The following RGS7 variants were observed in gnomAD, a reference collection of about 807,000 sequenced individuals.
RGS7 encodes regulator of G-protein signaling 7.
A neutral mutation model predicts 81.1 loss-of-function variants in RGS7; 27 were observed. That is an observed-to-expected ratio of 0.33 (90% confidence interval 0.25 to 0.46). The LOEUF is 0.46. Among genes scored for constraint, RGS7 ranks in the 20% least tolerant of loss-of-function variants. The probability of loss-of-function intolerance (pLI) is 1.00; values close to 1 mark genes in which losing one functional copy is unlikely to be tolerated. For synonymous variants in RGS7, 208 were observed against 207.7 expected, an observed-to-expected ratio of 1.00 and a Z score of -0.01; for missense variants, 396 against 607.4, an observed-to-expected ratio of 0.65 and a Z score of 3.66.
intron 2 of RGS7, among the ~76,000 whole-genome samples, chr1:241,104,437 G>A (rs1013760781): frequency 2.0e-4 from 30 of 152,126 alleles, no homozygotes; most frequent in African/African-American, 7.0e-4. Context: ...AATGTCAGGG[G>A]AAATATTTGT....
At chr1:240,940,135 T>C (rs1677339856) in intron 4 of RGS7, among the ~76,000 whole-genome samples, 1 of 152,134 alleles carries the variant, frequency 6.6e-6, no homozygotes, top group South Asian at 2.1e-4. Flanking sequence ...ACCCCTACTT[T>C]CCACTAGTTT....
chr1:240,908,856 C>T (rs1347259711), intron 6 of RGS7, among the ~76,000 whole-genome samples: 1 of 152,184 alleles, frequency 6.6e-6, no homozygotes, highest in African/African-American at 2.4e-5. Flanking sequence ...GACCTGAATT[C>T]CATTGCTCTG....
intron 3 of RGS7, among the ~76,000 whole-genome samples, chr1:240,991,036 G>A (rs530954171): frequency 1.1e-4 from 16 of 152,290 alleles, no homozygotes; most frequent in African/African-American, 3.8e-4. Context: ...AAATCAACAG[G>A]ATAGAAGCCC....
chr1:241,003,662 G>A (rs1333085023), intron 3 of RGS7, among the ~76,000 whole-genome samples: 1 of 152,092 alleles, frequency 6.6e-6, no homozygotes, highest in Non-Finnish European at 1.5e-5. Flanking sequence ...AAAAGCATCA[G>A]GACCCATTTC....
chr1:240,997,901 T>C (rs1334730525), intron 3 of RGS7, among the ~76,000 whole-genome samples: 1 of 152,208 alleles, frequency 6.6e-6, no homozygotes, highest in Non-Finnish European at 1.5e-5. Flanking sequence ...CCACGTTTTG[T>C]TCTTATCTGA....
intron 2 of RGS7, among the ~76,000 whole-genome samples, chr1:241,312,783 G>A (rs1237449819): frequency 6.6e-6 from 1 of 152,074 alleles, no homozygotes; most frequent in African/African-American, 2.4e-5. Flanking sequence ...TTTCTCACTT[G>A]GAATCAAAAG....
chr1:241,144,437 T>C lies in RGS7; in HGVS notation c.79-45675A>G, dbSNP rs1396823518. ...GCCAAAAACCTGATCCATTATTACTTACTGCGGTTCACGGAAGCAGCTTTG... is the reference window on the plus strand; with the variant it reads ...GCCAAAAACCTGATCCATTATTACTCACTGCGGTTCACGGAAGCAGCTTTG... On this transcript the variant is annotated intron_variant, in intron 2 of 18. Coordinates refer to ENST00000440928, the MANE Select transcript of RGS7 (RefSeq NM_001364886.1). This position sits in a 1 kb window ranked among gnomAD's most constrained non-coding sequence, Gnocchi z 4.7. 6.6e-6 allele frequency among the ~76,000 whole-genome samples: 1 copy of C among 152,176 alleles called. No individual in the cohort carries two copies. Among genetic ancestry groups the C allele is most frequent in the Non-Finnish European group, 1.5e-5 (1 of 68,042 alleles).
At chr1:241,063,888 A>C (rs2061885119) in intron 3 of RGS7, among the ~76,000 whole-genome samples, 1 of 152,220 alleles carries the variant, frequency 6.6e-6, no homozygotes, top group Admixed American at 6.5e-5. Context: ...TGCCACATGA[A>C]GGAAATCAAA....
At chr1:240,809,394 T>G (rs1689450214) in intron 14 of RGS7, among the ~76,000 whole-genome samples, 1 of 152,082 alleles carries the variant, frequency 6.6e-6, no homozygotes, top group South Asian at 2.1e-4. Flanking sequence ...CACGGAGAGT[T>G]ATTTTATTTT....
chr1:240,928,547 T>C (rs1166677400), intron 6 of RGS7, among the ~76,000 whole-genome samples: 3 of 151,868 alleles, frequency 2.0e-5, no homozygotes, highest in African/African-American at 7.3e-5. Flanking sequence ...TTATGAAAGA[T>C]GACACAACAG....
intron 6 of RGS7, among the ~76,000 whole-genome samples, chr1:240,887,409 T>C (rs1410084941): frequency 6.6e-6 from 1 of 152,070 alleles, no homozygotes; most frequent in African/African-American, 2.4e-5. Context: ...TTTGTATTTT[T>C]AGTAGAGATG....
rs1042931045 is a variant in RGS7, at chr1:240,812,185, G to A, written c.957-142C>T. On this transcript the variant is annotated intron_variant, in intron 13 of 18. Transcript: ENST00000440928. ...TTAAAAATATATATATCCGATTAAC[G>A]GCTCTGCATGAAATCATCGTGTACA... is the stretch of plus-strand genomic sequence containing the variant. 7 of 807,506 alleles carry A rather than the reference G, an allele frequency of 8.7e-6. No homozygotes were observed. The Admixed American group carries it at 9.1e-5, about 11-fold the overall frequency. 50.0% of individuals were successfully genotyped at this position (807,506 alleles called of 1,614,324 possible). A position where few individuals can be genotyped will look rare whatever the true frequency, so the allele number is the denominator to read the frequency against.
intron 18 of RGS7, among the ~76,000 whole-genome samples, chr1:240,791,253 T>G (rs1460087248): frequency 2.6e-5 from 4 of 152,318 alleles, no homozygotes; most frequent in Middle Eastern, 3.4e-3. Flanking sequence ...GTCCAATGTG[T>G]GTTCCTATTA....
chr1:240,952,292 T>C (rs74785471), intron 4 of RGS7, among the ~76,000 whole-genome samples: 3,545 of 152,144 alleles, frequency 0.023, 80 homozygotes, highest in African/African-American at 0.05. Flanking sequence ...AAAATAATAG[T>C]AACAGTATTA....
chr1:241,134,909 G>A (rs1427468298), intron 2 of RGS7, among the ~76,000 whole-genome samples: 1 of 151,226 alleles, frequency 6.6e-6, no homozygotes, highest in African/African-American at 2.5e-5. Flanking sequence ...GAAGCAGGAC[G>A]ACAGCCGGCC....
At chr1:241,149,024 T>C (rs1308935058) in intron 2 of RGS7, among the ~76,000 whole-genome samples, 1 of 152,240 alleles carries the variant, frequency 6.6e-6, no homozygotes, top group Non-Finnish European at 1.5e-5. Flanking sequence ...TGATCTTCAA[T>C]GTCCTATCTA....
chr1:241,150,089 C>T (rs531662000), intron 2 of RGS7, among the ~76,000 whole-genome samples: 1 of 152,286 alleles, frequency 6.6e-6, no homozygotes, highest in East Asian at 1.9e-4. Context: ...CTGGGGCATA[C>T]ACAGACCAAG....
chr1:241,143,013 A>G (rs980700870), intron 2 of RGS7, among the ~76,000 whole-genome samples: 1 of 152,160 alleles, frequency 6.6e-6, no homozygotes, highest in Admixed American at 6.5e-5. Flanking sequence ...CAGGAGCAAA[A>G]TGCTGCCAGT....
At chr1:241,005,728 G>A (rs2058656684) in intron 3 of RGS7, among the ~76,000 whole-genome samples, 1 of 152,010 alleles carries the variant, frequency 6.6e-6, no homozygotes, top group Non-Finnish European at 1.5e-5. Context: ...TAGAGATGGG[G>A]TTTCACTTAC....
Sources: allele counts gnomAD v4.1 joint callset (sites outside exome capture counted in the v4.1 genomes callset), GRCh38; gene constraint gnomAD v4.1.1; non-coding constraint Gnocchi (gnomAD v3.1); transcripts MANE v1.5; gene names NCBI Gene and HGNC (gene_info 2026-07-23, HGNC 2026-07-21).